The following SNX29 variants were observed in gnomAD, a reference collection of about 807,000 sequenced individuals.
SNX29 encodes the protein sorting nexin-29.
A neutral mutation model predicts 102.1 loss-of-function variants in SNX29; 78 were observed. The observed-to-expected ratio is 0.76, with a 90% CI of 0.64 to 0.92. The LOEUF (loss-of-function observed/expected upper bound fraction) is 0.92, where lower values mean the gene tolerates loss of function less well. Ranked by LOEUF, SNX29 falls within the 40% of genes least tolerant of loss-of-function variation. The probability of loss-of-function intolerance (pLI) is 0.00; values close to 1 mark genes in which losing one functional copy is unlikely to be tolerated. For synonymous variants in SNX29, 580 were observed against 414.5 expected (o/e 1.40, Z -4.85); for missense variants, 1,280 against 1,061.7 (o/e 1.21, Z -2.86).
At chr16:12,251,044 G>C (rs1184405145) in intron 14 of SNX29, among the ~76,000 whole-genome samples, 1 of 152,250 alleles carries the variant, frequency 6.6e-6, no homozygotes, top group East Asian at 1.9e-4. Context: ...TGGGCTGCGG[G>C]CCATGTGGCC....
At chr16:12,393,712 G>A (rs1333978026) in intron 16 of SNX29, among the ~76,000 whole-genome samples, 1 of 152,246 alleles carries the variant, frequency 6.6e-6, no homozygotes, top group African/African-American at 2.4e-5. Context: ...TTACAGAGAG[G>A]CTGAGGAAGA....
chr16:12,142,675 C>G (rs1436769573), intron 13 of SNX29, among the ~76,000 whole-genome samples: 1 of 151,844 alleles, frequency 6.6e-6, no homozygotes, highest in African/African-American at 2.4e-5. Context: ...AGCGATTCTC[C>G]TGCTCAGCCT....
At chr16:12,441,104 T>A (rs1217331199) in intron 18 of SNX29, among the ~76,000 whole-genome samples, 1 of 150,382 alleles carries the variant, frequency 6.6e-6, no homozygotes, top group African/African-American at 2.5e-5. Flanking sequence ...TTTTTTTTTT[T>A]TTTTTGTGAT....
At chr16:12,225,514 A>G (rs546482652) in intron 14 of SNX29, among the ~76,000 whole-genome samples, 5 of 152,080 alleles carry the variant, frequency 3.3e-5, no homozygotes, top group Non-Finnish European at 5.9e-5. Context: ...GTAAGATATG[A>G]TTTGCTCCTC....
intron 19 of SNX29, among the ~76,000 whole-genome samples, chr16:12,508,213 G>C (rs1017761721): frequency 6.6e-6 from 1 of 152,244 alleles, no homozygotes; most frequent in Admixed American, 6.5e-5. Flanking sequence ...TGTATTCACA[G>C]GGAGGAGTCC....
intron 19 of SNX29, among the ~76,000 whole-genome samples, chr16:12,481,555 C>CA (rs1597548334): frequency 3.0e-5 from 4 of 133,600 alleles, no homozygotes; most frequent in East Asian, 4.9e-4. Flanking sequence ...CACACACACA[C>CA]CCCAAATGTC....
At chr16:12,042,765 A>T (rs1179357967) in intron 4 of SNX29, 132 bp from the exon 5 acceptor site, 4 of 880,966 alleles carry the variant, frequency 4.5e-6, no homozygotes, top group Non-Finnish European at 6.9e-6. Context: ...CTTTGGTGTT[A>T]TCTCCTACCT....
At chr16:12,384,897 A>C (rs919258777) in intron 16 of SNX29, among the ~76,000 whole-genome samples, 1 of 152,208 alleles carries the variant, frequency 6.6e-6, no homozygotes, top group African/African-American at 2.4e-5. Context: ...GAGGCCGGGC[A>C]TGGTGGCTCC....
chr16:12,199,983 G>A (rs1176936189), intron 14 of SNX29, among the ~76,000 whole-genome samples: 1 of 152,054 alleles, frequency 6.6e-6, no homozygotes, highest in East Asian at 1.9e-4. Context: ...TGAACCTTGT[G>A]GTATGATGAA....
intron 14 of SNX29, among the ~76,000 whole-genome samples, chr16:12,248,308 T>TC (rs1353015217): frequency 6.6e-6 from 1 of 152,000 alleles, no homozygotes; most frequent in Non-Finnish European, 1.5e-5. Flanking sequence ...TCTTGGGTGG[T>TC]CCCTTGCTCT....
intron 16 of SNX29, among the ~76,000 whole-genome samples, chr16:12,389,558 C>A (rs1393508807): frequency 6.6e-6 from 1 of 152,108 alleles, no homozygotes; most frequent in Non-Finnish European, 1.5e-5. Context: ...TCCATTAAAC[C>A]TCTTTCCTTT....
chr16:12,533,154 G>T (rs994677278), intron 20 of SNX29, among the ~76,000 whole-genome samples: 1 of 152,252 alleles, frequency 6.6e-6, no homozygotes, highest in Non-Finnish European at 1.5e-5. Flanking sequence ...TTGCCAGGCA[G>T]GGCCTCTCTC....
chr16:11,978,347 G>A (rs1227575251), intron 1 of SNX29, among the ~76,000 whole-genome samples: 1 of 152,228 alleles, frequency 6.6e-6, no homozygotes, highest in Non-Finnish European at 1.5e-5. Flanking sequence ...GACATCCTGG[G>A]TTCAAATCTT....
intron 18 of SNX29, among the ~76,000 whole-genome samples, chr16:12,406,001 C>T (rs1004680509): frequency 6.6e-6 from 1 of 151,362 alleles, no homozygotes; most frequent in Non-Finnish European, 1.5e-5. Flanking sequence ...CATTGCACTC[C>T]AGACTGGGTG....
intron 16 of SNX29, among the ~76,000 whole-genome samples, chr16:12,362,936 G>A (rs2082349594): frequency 6.6e-6 from 1 of 152,184 alleles, no homozygotes. Context: ...AACTCATTGA[G>A]TGAATGAATG....
At chr16:12,078,714 T>C (rs1273357403) in intron 10 of SNX29, 119 bp from the exon 11 acceptor site, 7 of 810,974 alleles carry the variant, frequency 8.6e-6, no homozygotes, top group Non-Finnish European at 1.5e-5. Flanking sequence ...TTCCAATGAC[T>C]GCCTCTATCC....
chr16:12,461,978 A>AAAATATAT (rs1555544501), intron 18 of SNX29, among the ~76,000 whole-genome samples: 3 of 27,348 alleles, frequency 1.1e-4, no homozygotes, highest in African/African-American at 2.7e-4. Context: ...AAAAAAAAAA[A>AAAATATAT]ATATATATAT....
intron 18 of SNX29, among the ~76,000 whole-genome samples, chr16:12,440,580 C>G (rs78067983): frequency 2.0e-5 from 3 of 152,240 alleles, no homozygotes; most frequent in African/African-American, 4.8e-5. Flanking sequence ...TTTTCCTGAT[C>G]CTCTCCCTCC....
At chr16:12,229,180 T>A (rs1311300582) in intron 14 of SNX29, among the ~76,000 whole-genome samples, 1 of 152,254 alleles carries the variant, frequency 6.6e-6, no homozygotes, top group Non-Finnish European at 1.5e-5. Context: ...GGTTTGAACT[T>A]GTTTTCGGTT....
Sources: allele counts gnomAD v4.1 joint callset (sites outside exome capture counted in the v4.1 genomes callset), GRCh38; gene constraint gnomAD v4.1.1; transcripts MANE v1.5; gene names NCBI Gene and HGNC (gene_info 2026-07-23, HGNC 2026-07-21).